Variants in YIPF7 observed in about 807,000 individuals in gnomAD.
YIPF7 encodes the protein Yip1 domain family member 7, also known as protein YIPF7.
In YIPF7, 35 loss-of-function variants were observed where a neutral mutation model predicts 27.2. That is an observed-to-expected ratio of 1.29 (90% CI 0.98 to 1.70). The LOEUF (loss-of-function observed/expected upper bound fraction) is 1.70. Ranked by LOEUF, YIPF7 falls within the 40% of genes most tolerant of loss-of-function variation. YIPF7 has a pLI of 0.00. For synonymous variants in YIPF7, 137 were observed against 110.4 expected (o/e 1.24, Z -1.51); for missense variants, 358 against 303.7 (o/e 1.18, Z -1.33).
intron 2 of YIPF7, among the ~76,000 whole-genome samples, chr4:44,636,541 T>A (rs531455766): frequency 3.3e-5 from 5 of 152,150 alleles, no homozygotes; most frequent in Admixed American, 2.6e-4. Flanking sequence ...TCAGGGACAG[T>A]CTCCAGCCAT....
chr4:44,648,663 T>C (rs1312763455), intron 2 of YIPF7, among the ~76,000 whole-genome samples: 3 of 152,202 alleles, frequency 2.0e-5, no homozygotes. Context: ...TAACAAAGTG[T>C]CAATTGCTTT....
At chr4:44,650,741 T>A (rs1222229952) in intron 1 of YIPF7, among the ~76,000 whole-genome samples, 3 of 152,182 alleles carry the variant, frequency 2.0e-5, no homozygotes, top group Non-Finnish European at 2.9e-5. Context: ...CTAAGGGAAG[T>A]CTTTGTTCTA....
intron 2 of YIPF7, among the ~76,000 whole-genome samples, chr4:44,643,326 C>G (rs1425093752): frequency 6.6e-6 from 1 of 152,146 alleles, no homozygotes; most frequent in Non-Finnish European, 1.5e-5. Flanking sequence ...GAAGAAATTT[C>G]TAAGCAGTAA....
chr4:44,654,850 C>T (rs1241885775), upstream of YIPF7, among the ~76,000 whole-genome samples: 2 of 151,950 alleles, frequency 1.3e-5, no homozygotes, highest in African/African-American at 4.8e-5. Flanking sequence ...CATTTTCTCC[C>T]ACTTATAATT....
At chr4:44,658,166 T>C (rs1365524144) in intron 2 of YIPF7, among the ~76,000 whole-genome samples, 4 of 152,192 alleles carry the variant, frequency 2.6e-5, no homozygotes, top group Non-Finnish European at 4.4e-5. Context: ...TGTGATGGTA[T>C]CTGGAGGTGG....
At chr4:44,653,664 A>G (rs932032033), upstream of YIPF7, among the ~76,000 whole-genome samples, 1 of 152,094 alleles carries the variant, frequency 6.6e-6, no homozygotes, top group Non-Finnish European at 1.5e-5. Context: ...GGAAAAGGCA[A>G]TTACTGAGGA....
chr4:44,651,542 T>C lies in YIPF7; in HGVS notation c.-2+12A>G. 1.3e-6 allele frequency: 2 copies of C among 1,560,392 alleles called. No homozygotes were observed. The highest frequency in any genetic ancestry group is 1.7e-6 in the Non-Finnish European group (2 of 1,150,044). ...TTAAATGCCAAGTCTTTTAGAAGGA[T>C]CAGACACATACCTCTGTTTATTTTT... On this transcript the variant is annotated intron_variant, in intron 1 of 5. Transcript: ENST00000415895.
chr4:44,642,830 C>T (rs1560327901), intron 2 of YIPF7, among the ~76,000 whole-genome samples: 1 of 152,174 alleles, frequency 6.6e-6, no homozygotes, highest in Non-Finnish European at 1.5e-5. Flanking sequence ...GTGACCTCCC[C>T]AGGAGCAGCT....
In YIPF7 at chr4:44,624,742, G is replaced by A; in HGVS notation, c.467C>T (p.Ala156Val). ...VQFGYVYGMS[A>V]IGCLVIHALL... ...GGCATGAATCACAAGGCAGCCAATG[G>A]CACTCATGCCATACACATAACCAAA... is the stretch of plus-strand genomic sequence containing the variant. The change falls in exon 5 of 6, where the codon GCC becomes GTC. Residue 156 changes from alanine to valine, a missense_variant. Coordinates refer to ENST00000415895, the MANE Select transcript of YIPF7 (RefSeq NM_182592.3). 1 of 1,611,932 alleles carries A rather than the reference G, an allele frequency of 6.2e-7. No homozygotes were observed. The highest frequency in any genetic ancestry group is 8.5e-7 in the Non-Finnish European group (1 of 1,179,056).
intron 3 of YIPF7, among the ~76,000 whole-genome samples, chr4:44,633,845 T>A (rs1356524277): frequency 6.6e-6 from 1 of 152,122 alleles, no homozygotes; most frequent in Non-Finnish European, 1.5e-5. Flanking sequence ...AAAAAACCCA[T>A]GAAAAATAAA....
upstream of YIPF7, among the ~76,000 whole-genome samples, chr4:44,654,037 TTAA>T (rs1258494477): frequency 6.6e-6 from 1 of 152,030 alleles, no homozygotes; most frequent in African/African-American, 2.4e-5. Context: ...TATAAAAAAA[TTAA>T]TCTCAGCCTC....
chr4:44,641,107 G>A (rs567104885), intron 2 of YIPF7, among the ~76,000 whole-genome samples: 4 of 152,178 alleles, frequency 2.6e-5, no homozygotes, highest in East Asian at 3.9e-4. Context: ...AGTGGACCAC[G>A]TATAGACTCT....
chr4:44,636,963 A>G (rs1713147085), intron 2 of YIPF7, among the ~76,000 whole-genome samples: 5 of 152,090 alleles, frequency 3.3e-5, no homozygotes. Flanking sequence ...TTCCATGTGT[A>G]CGTATTTTTA....
rs1289938172 is a variant in YIPF7 at position 44,629,478 on chromosome 4, A to G, written c.351T>C (p.Asp117=). The change falls in exon 4 of 6, where the codon GAT becomes GAC. Residue 117 remains aspartate (D), a synonymous_variant. Transcript: ENST00000415895. ...LTVLNPMKPV[D]GSIMNETDLT... is the part of the protein sequence containing the mutation. ...GGTCCGTTTCATTCATAATGCTGCC[A>G]TCTACTGGCTTCATTGGGTTTAACA... 1.4e-5 allele frequency: 22 copies of G among 1,595,382 alleles called. No individual in the cohort carries two copies. Among genetic ancestry groups the G allele is most frequent in the Non-Finnish European group, 1.8e-5 (21 of 1,170,464 alleles).
chr4:44,631,607 G>T (rs1712900908), intron 3 of YIPF7, among the ~76,000 whole-genome samples: 1 of 151,822 alleles, frequency 6.6e-6, no homozygotes, highest in South Asian at 2.1e-4. Flanking sequence ...AAAAAAAATT[G>T]AATGTAAATT....
chr4:44,642,426 T>C, intron 2 of YIPF7, among the ~76,000 whole-genome samples: 1 of 149,298 alleles, frequency 6.7e-6, no homozygotes, highest in East Asian at 2.0e-4. Flanking sequence ...TATAGCTTTC[T>C]TTATCTTATA....
At chr4:44,645,121 C>T (rs1267933748) in intron 2 of YIPF7, among the ~76,000 whole-genome samples, 6 of 152,170 alleles carry the variant, frequency 3.9e-5, no homozygotes, top group Admixed American at 1.3e-4. Flanking sequence ...ATTACCCAGT[C>T]TCGAGAATTT....
chr4:44,637,618 T>C (rs1713174500), intron 2 of YIPF7, among the ~76,000 whole-genome samples: 2 of 152,160 alleles, frequency 1.3e-5, no homozygotes, highest in East Asian at 3.8e-4. Flanking sequence ...CCATAGGTTT[T>C]GGGGGAACAG....
At chr4:44,651,441 T>G (rs1713735818) in intron 1 of YIPF7, 113 bp downstream of exon 1, 3 of 565,926 alleles carry the variant, frequency 5.3e-6, no homozygotes, top group Non-Finnish European at 8.5e-6. Flanking sequence ...TACACTAAAT[T>G]TTCATAACAT....
Sources: gnomAD v4.1 joint callset for allele counts (sites outside exome capture counted in the v4.1 genomes callset) on GRCh38, gnomAD v4.1.1 for gene constraint, MANE v1.5 for transcripts, NCBI Gene and HGNC (gene_info 2026-07-23, HGNC 2026-07-21) for gene names.